RBFOX1: variants seen among roughly 807,000 people sequenced by gnomAD.
RBFOX1 encodes RNA binding protein fox-1 homolog 1.
In RBFOX1, 8 loss-of-function variants were observed where a neutral mutation model predicts 57.7. That is an observed-to-expected ratio of 0.14 (90% confidence interval 0.08 to 0.25). RBFOX1 has a LOEUF of 0.25. Among genes scored for constraint, RBFOX1 ranks in the 10% least tolerant of loss-of-function variants. The pLI is 1.00. For synonymous variants in RBFOX1, 326 were observed against 222.4 expected, an observed-to-expected ratio of 1.47 and a Z score of -4.15; for missense variants, 611 against 548.5, an observed-to-expected ratio of 1.11 and a Z score of -1.14.
intron 3 of RBFOX1, among the ~76,000 whole-genome samples, chr16:7,051,485 A>G (rs1187845490): frequency 2.0e-5 from 3 of 152,196 alleles, no homozygotes; most frequent in Admixed American, 6.5e-5. Context: ...CCAGAAACCT[A>G]TCAGGATCTC....
In RBFOX1 at chr16:7,653,916, G is replaced by GCGCCCC. The variant is rs768594337; in HGVS notation, c.868_873dup (p.Pro290_Pro291dup). On this transcript the variant is annotated inframe_insertion, in exon 12 of 16. Transcript: ENST00000550418. ...CGTGTACAACACCTTCAGGGCCGCG[G>GCGCCCC]CGCCCCCGCCCCCGATCCCGGCCTA... is the stretch of plus-strand genomic sequence containing the variant. 3.2e-6 allele frequency: 5 copies of GCGCCCC among 1,571,864 alleles called. No homozygotes were observed. The highest frequency in any genetic ancestry group is 1.4e-5 in the African/African-American group (1 of 73,834).
intron 4 of RBFOX1, among the ~76,000 whole-genome samples, chr16:7,412,999 G>T (rs899688989): frequency 6.6e-6 from 1 of 151,878 alleles, no homozygotes; most frequent in African/African-American, 2.4e-5. Context: ...CCAAGATCAC[G>T]CCACTGCACT....
intron 3 of RBFOX1, among the ~76,000 whole-genome samples, chr16:6,660,846 A>G (rs1231876967): frequency 3.3e-5 from 5 of 152,162 alleles, no homozygotes; most frequent in South Asian, 2.1e-4. Flanking sequence ...GGCCCTGGAA[A>G]GTGTTAGGGG....
chr16:7,402,679 G>A (rs775037147), intron 4 of RBFOX1, among the ~76,000 whole-genome samples: 1 of 152,148 alleles, frequency 6.6e-6, no homozygotes, highest in Non-Finnish European at 1.5e-5. Context: ...TTTCAGATGA[G>A]CCTAATTGGA....
chr16:5,917,811 G>C (rs563281731), intron 4 of RBFOX1, among the ~76,000 whole-genome samples: 1 of 152,102 alleles, frequency 6.6e-6, no homozygotes, highest in Non-Finnish European at 1.5e-5. Flanking sequence ...TTCATACCGG[G>C]TTGTGACTCT....
In RBFOX1 at chr16:7,365,309, A is replaced by G. The variant is rs185610286; in HGVS notation, c.28-152838A>G. ...GCCACTTATTTTGTAGCAGGGAAGA[A>G]TGTAGAGTATATCTGAGACTGAGAA... On this transcript the variant is annotated intron_variant, in intron 4 of 15. Transcript: ENST00000550418. 1.3e-3 allele frequency among the ~76,000 whole-genome samples: 196 copies of G among 152,346 alleles called. 1 individual carries two copies. Among genetic ancestry groups the G allele is most frequent in the African/African-American group, 4.4e-3 (181 of 41,578 alleles).
chr16:5,376,694 C>A (rs1175106631), intron 1 of RBFOX1, among the ~76,000 whole-genome samples: 41 of 147,204 alleles, frequency 2.8e-4, no homozygotes, highest in Admixed American at 2.7e-3. Context: ...TTCTTGTCCC[C>A]TTGGAACTCA....
intron 3 of RBFOX1, among the ~76,000 whole-genome samples, chr16:6,958,635 T>G (rs969425692): frequency 6.6e-6 from 1 of 152,202 alleles, no homozygotes. Context: ...GTGATGCTAT[T>G]GGCTATGCAT....
intron 3 of RBFOX1, among the ~76,000 whole-genome samples, chr16:6,817,007 C>G (rs1156919097): frequency 3.9e-5 from 6 of 152,100 alleles, no homozygotes; most frequent in East Asian, 1.9e-4. Context: ...CTCTGCCTCC[C>G]AAAGTGCTGA....
intron 3 of RBFOX1, among the ~76,000 whole-genome samples, chr16:5,649,499 C>G (rs562541098): frequency 6.6e-6 from 1 of 152,190 alleles, no homozygotes; most frequent in African/African-American, 2.4e-5. Context: ...TGTGTTTCTA[C>G]CACCCCACAT....
At chr16:6,969,840 G>A (rs1168305007) in intron 3 of RBFOX1, among the ~76,000 whole-genome samples, 1 of 152,156 alleles carries the variant, frequency 6.6e-6, no homozygotes, top group South Asian at 2.1e-4. Context: ...CTAATTCTGA[G>A]TGTCAGCCAT....
intron 1 of RBFOX1, among the ~76,000 whole-genome samples, chr16:6,051,086 G>C (rs1477139199): frequency 1.3e-5 from 2 of 150,334 alleles, no homozygotes; most frequent in Non-Finnish European, 3.0e-5. Context: ...TGTTAGGTTG[G>C]TACAAAAGTA....
chr16:7,522,227 C>T (rs2077664259), intron 5 of RBFOX1, among the ~76,000 whole-genome samples: 1 of 152,146 alleles, frequency 6.6e-6, no homozygotes, highest in Admixed American at 6.5e-5. Context: ...GCATGGTGAA[C>T]CTTTTGTACA....
intron 2 of RBFOX1, among the ~76,000 whole-genome samples, chr16:6,571,284 C>T (rs1297035857): frequency 6.6e-6 from 1 of 152,160 alleles, no homozygotes; most frequent in Non-Finnish European, 1.5e-5. Flanking sequence ...AGAACCACAG[C>T]AGGACTGGAA....
At chr16:5,837,649 G>A (rs1410807548) in intron 3 of RBFOX1, among the ~76,000 whole-genome samples, 12 of 151,256 alleles carry the variant, frequency 7.9e-5, no homozygotes, top group African/African-American at 2.7e-4. Flanking sequence ...CCTCTTTTGC[G>A]GGTACAGGCA....
At chr16:6,703,059 G>C (rs1375506988) in intron 3 of RBFOX1, among the ~76,000 whole-genome samples, 2 of 152,108 alleles carry the variant, frequency 1.3e-5, no homozygotes, top group Non-Finnish European at 2.9e-5. Flanking sequence ...CTTGCCTCAA[G>C]GTTTATGTTG....
intron 2 of RBFOX1, among the ~76,000 whole-genome samples, chr16:6,537,982 T>C (rs1567601779): frequency 6.6e-6 from 1 of 151,924 alleles, no homozygotes; most frequent in Non-Finnish European, 1.5e-5. Context: ...ATTTGCAGAT[T>C]AATTCTATCT....
intron 1 of RBFOX1, among the ~76,000 whole-genome samples, chr16:6,057,301 T>A (rs2095626482): frequency 6.6e-6 from 1 of 151,620 alleles, no homozygotes; most frequent in African/African-American, 2.4e-5. Flanking sequence ...TGACCTGGGT[T>A]TTTTTTTTCT....
chr16:6,204,543 T>C, intron 1 of RBFOX1, among the ~76,000 whole-genome samples: 1 of 152,176 alleles, frequency 6.6e-6, no homozygotes, highest in East Asian at 1.9e-4. Flanking sequence ...GGAACTAATG[T>C]TCTAGGGAGG....
Sources: gnomAD v4.1 joint callset for allele counts (sites outside exome capture counted in the v4.1 genomes callset) on GRCh38, gnomAD v4.1.1 for gene constraint, MANE v1.5 for transcripts, NCBI Gene and HGNC (gene_info 2026-07-23, HGNC 2026-07-21) for gene names.